BLTP3B: variants seen among roughly 807,000 people sequenced by gnomAD.
BLTP3B encodes the protein UHRF1 (ICBP90) binding protein 1-like.
the BLTP3B span, chr12:100,057,474 G>T: frequency 1.2e-6 from 1 of 853,842 alleles, no homozygotes; most frequent in Non-Finnish European, 1.6e-6. Context: ...AAAAAGCATG[G>T]GTACAGTTAA....
chr12:100,070,692 A>T, the BLTP3B span, among the ~76,000 whole-genome samples: 2 of 152,166 alleles, frequency 1.3e-5, no homozygotes, highest in Admixed American at 1.3e-4. Context: ...TCCTTTTGAA[A>T]CTAAAAACAT....
the BLTP3B span, chr12:100,092,955 A>G: frequency 1.0e-6 from 1 of 985,332 alleles, no homozygotes; most frequent in African/African-American, 1.7e-5. Flanking sequence ...GGCTAACGGT[A>G]CTACCAACTG....
chr12:100,071,058 T>C, the BLTP3B span, among the ~76,000 whole-genome samples: 1 of 152,170 alleles, frequency 6.6e-6, no homozygotes, highest in Non-Finnish European at 1.5e-5. Context: ...TCTAAGTATT[T>C]TGGAGTTCTA....
chr12:100,092,001 G>T, the BLTP3B span, among the ~76,000 whole-genome samples: 1 of 151,778 alleles, frequency 6.6e-6, no homozygotes, highest in South Asian at 2.1e-4. Context: ...TACAGATGGG[G>T]TTTCACCATG....
At chr12:100,120,013 A>G in the BLTP3B span, among the ~76,000 whole-genome samples, 1 of 152,272 alleles carries the variant, frequency 6.6e-6, no homozygotes, top group Non-Finnish European at 1.5e-5. Context: ...TCCAAAGCAT[A>G]TATTTGAAAA....
the BLTP3B span, among the ~76,000 whole-genome samples, chr12:100,103,097 T>TG: frequency 1.3e-5 from 2 of 151,948 alleles, no homozygotes; most frequent in Non-Finnish European, 2.9e-5. Context: ...TTACAGGTGT[T>TG]GGGGGGTGGG....
the BLTP3B span, among the ~76,000 whole-genome samples, chr12:100,048,538 C>G: frequency 6.6e-6 from 1 of 151,956 alleles, no homozygotes; most frequent in African/African-American, 2.4e-5. Flanking sequence ...AGAAATAAGT[C>G]AGACATTTAA....
chr12:100,105,151 A>G, the BLTP3B span, among the ~76,000 whole-genome samples: 1,399 of 152,284 alleles, frequency 9.2e-3, 109 homozygotes, highest in East Asian at 0.2. Context: ...TAAACTTCAT[A>G]TGGAACCAAA....
chr12:100,054,965 A>C, the BLTP3B span, among the ~76,000 whole-genome samples: 1 of 152,174 alleles, frequency 6.6e-6, no homozygotes, highest in East Asian at 1.9e-4. Context: ...AGATAAATTA[A>C]TGTGTTTTAT....
chr12:100,133,340 T>C, the BLTP3B span, among the ~76,000 whole-genome samples: 1 of 152,114 alleles, frequency 6.6e-6, no homozygotes, highest in African/African-American at 2.4e-5. Flanking sequence ...GCCTGAGACA[T>C]CCCCCAACTT....
chr12:100,048,027 A>G, the BLTP3B span: 2 of 1,610,282 alleles, frequency 1.2e-6, no homozygotes. Flanking sequence ...AATGTTGAAT[A>G]TTCATAAGAG....
At chr12:100,068,690 A>G in the BLTP3B span, among the ~76,000 whole-genome samples, 20 of 152,204 alleles carry the variant, frequency 1.3e-4, no homozygotes, top group Admixed American at 1.3e-4. Context: ...GGCTGAGACA[A>G]TGAGTAGACA....
At chr12:100,069,422 T>C in the BLTP3B span, among the ~76,000 whole-genome samples, 1 of 151,020 alleles carries the variant, frequency 6.6e-6, no homozygotes, top group Admixed American at 6.6e-5. Flanking sequence ...GTGGGGGTGT[T>C]TGTGTGTGTG....
At chr12:100,071,931 A>G in the BLTP3B span, among the ~76,000 whole-genome samples, 1 of 152,258 alleles carries the variant, frequency 6.6e-6, no homozygotes, top group Non-Finnish European at 1.5e-5. Flanking sequence ...GCTATTAAGC[A>G]CAAAGTAAGT....
chr12:100,059,483 A>C, the BLTP3B span: 4 of 1,611,568 alleles, frequency 2.5e-6, no homozygotes, highest in Non-Finnish European at 3.4e-6. Flanking sequence ...TAGAAATTGC[A>C]CGTGGCTGAT....
chr12:100,084,653 T>G, the BLTP3B span: 1 of 1,613,060 alleles, frequency 6.2e-7, no homozygotes, highest in Non-Finnish European at 8.5e-7. Flanking sequence ...TGATTACAAC[T>G]ATCTCCTGTA....
At chr12:100,142,643 A>C in the BLTP3B span, 1 of 1,607,410 alleles carries the variant, frequency 6.2e-7, no homozygotes, top group Non-Finnish European at 8.5e-7. Context: ...CATGGTACCG[A>C]GGCTGGAGAC....
the BLTP3B span, chr12:100,051,115 T>G: frequency 1.2e-6 from 2 of 1,614,080 alleles, no homozygotes; most frequent in Non-Finnish European, 1.7e-6. Context: ...CCTCTGAATT[T>G]GTACTGATGG....
chr12:100,047,538 T>C, the BLTP3B span: 1 of 1,606,880 alleles, frequency 6.2e-7, no homozygotes, highest in Non-Finnish European at 8.5e-7. Flanking sequence ...ACCTCTGATA[T>C]GAAAAGAGCC....
Sources: allele counts gnomAD v4.1 joint callset (sites outside exome capture counted in the v4.1 genomes callset), GRCh38; gene constraint gnomAD v4.1.1; transcripts MANE v1.5; gene names NCBI Gene and HGNC (gene_info 2026-07-23, HGNC 2026-07-21).